Variants in SLC4A8 observed in about 807,000 individuals in gnomAD.
SLC4A8 encodes electroneutral sodium bicarbonate exchanger 1.
Under a neutral mutation model 125.0 loss-of-function variants are expected in SLC4A8, and 40 were observed. The ratio of observed to expected loss-of-function variants is 0.32; its 90% CI spans 0.25 to 0.42. SLC4A8 has a LOEUF of 0.42. Among genes scored for constraint, SLC4A8 ranks in the 10% least tolerant of loss-of-function variants. The pLI is 1.00. For synonymous variants in SLC4A8, 456 were observed against 476.0 expected (o/e 0.96, Z 0.55); for missense variants, 863 against 1,355.1 (o/e 0.64, Z 5.70).
chr12:51,400,779 C>T (rs9630297), intron 1 of SLC4A8, among the ~76,000 whole-genome samples: 1,773 of 23,096 alleles, frequency 0.077, 306 homozygotes, highest in East Asian at 0.14. Flanking sequence ...TATATATATA[C>T]ATACATACAC....
intron 16 of SLC4A8, among the ~76,000 whole-genome samples, chr12:51,479,661 C>T (rs1334511525): frequency 7.8e-6 from 1 of 128,606 alleles, no homozygotes; most frequent in Non-Finnish European, 1.6e-5. Flanking sequence ...CCAGCCTGGG[C>T]GACAGAGTGA....
rs1374637154 is a variant in SLC4A8, at chr12:51,514,041, A to G, written c.*6603A>G. On this transcript the variant is annotated 3_prime_UTR_variant, in exon 25 of 25. Transcript: ENST00000453097. ...TCTGAGTCTCAAGTTTTCCTGAAGC[A>G]CAGGAGCAGGCTTGGCCCCAGAGCC... 1 of 152,382 alleles carries G rather than the reference A, an allele frequency of 6.6e-6. No individual in the cohort carries two copies. The highest frequency in any genetic ancestry group is 1.5e-5 in the Non-Finnish European group (1 of 68,044). The allele number at this position is 152,382 out of a possible 1,614,324, so 9.4% of individuals were successfully genotyped here. A position where few individuals can be genotyped will look rare whatever the true frequency, so the allele number is the denominator to read the frequency against.
intron 1 of SLC4A8, among the ~76,000 whole-genome samples, chr12:51,431,961 G>A (rs1949200559): frequency 6.6e-6 from 1 of 152,170 alleles, no homozygotes; most frequent in Non-Finnish European, 1.5e-5. Flanking sequence ...ACTAATGTTA[G>A]TAAGGAACAC....
upstream of SLC4A8, among the ~76,000 whole-genome samples, chr12:51,422,603 A>G (rs1948816476): frequency 6.6e-6 from 1 of 152,146 alleles, no homozygotes; most frequent in Middle Eastern, 3.2e-3. Context: ...CAAGGGATCC[A>G]TCTGTCTTGG....
At chr12:51,424,037 CA>C (rs35611847), upstream of SLC4A8, among the ~76,000 whole-genome samples, 18 of 38,228 alleles carry the variant, frequency 4.7e-4, no homozygotes, top group East Asian at 2.1e-3. Context: ...ACTTCGTCTC[CA>C]AAAAAAAAAA....
intron 1 of SLC4A8, among the ~76,000 whole-genome samples, chr12:51,417,101 CA>C (rs36051030): frequency 0.074 from 10,615 of 143,298 alleles, 492 homozygotes; most frequent in East Asian, 0.23. Flanking sequence ...CCCCCTGTCT[CA>C]AAAAAAAAAA....
intron 5 of SLC4A8, among the ~76,000 whole-genome samples, chr12:51,455,212 C>T (rs1185860581): frequency 3.3e-5 from 5 of 150,412 alleles, no homozygotes; most frequent in Non-Finnish European, 5.9e-5. Flanking sequence ...CTTCTTTCTA[C>T]ACAGACACAG....
chr12:51,503,044 G>A lies in SLC4A8; in HGVS notation c.3082-985G>A, dbSNP rs555285091. Among the ~76,000 whole-genome samples, 177 of 150,750 alleles carry A rather than the reference G, an allele frequency of 1.2e-3. 1 individual carries two copies. The highest frequency in any genetic ancestry group is 3.0e-3 in the South Asian group (14 of 4,740). On this transcript the variant is annotated intron_variant, in intron 22 of 24. Transcript: ENST00000453097. ...TTTTAGTAGAGACGGGGGTTTCACC[G>A]TGTTAGCCAGGGTGGTCTCGATCTC...
intron 1 of SLC4A8, among the ~76,000 whole-genome samples, chr12:51,419,494 C>A (rs1948744085): frequency 6.6e-6 from 1 of 152,164 alleles, no homozygotes. Context: ...AATGTATTGA[C>A]TATGAATGTG....
intron 1 of SLC4A8, among the ~76,000 whole-genome samples, chr12:51,392,602 AAAG>A (rs1948158642): frequency 6.6e-6 from 1 of 151,730 alleles, no homozygotes; most frequent in South Asian, 2.1e-4. Flanking sequence ...AAAGAAAAGA[AAAG>A]AAAAGAAATG....
chr12:51,492,029 G>A (rs1951331583), intron 19 of SLC4A8, among the ~76,000 whole-genome samples: 1 of 152,198 alleles, frequency 6.6e-6, no homozygotes, highest in Non-Finnish European at 1.5e-5. Context: ...AGGTTTTTCT[G>A]CGAAGCAAGA....
rs1746722827 is a variant in SLC4A8 at position 51,509,623 on chromosome 12, T to G, written c.*2185T>G. On this transcript the variant is annotated 3_prime_UTR_variant, in exon 25 of 25. Coordinates refer to ENST00000453097, the MANE Select transcript of SLC4A8 (RefSeq NM_001039960.3). ...TCTTTCCCTAGCCTCAGCACAGCTG[T>G]AAGGAGTGTATCAAAACTGGGTGAG... The G allele has an allele frequency of 6.6e-6, 1 of 152,184 alleles. No individual in the cohort carries two copies. The highest frequency in any genetic ancestry group is 6.5e-5 in the Admixed American group (1 of 15,280). 9.4% of individuals were successfully genotyped at this position (152,184 alleles called of 1,614,324 possible). A position where few individuals can be genotyped will look rare whatever the true frequency, so the allele number is the denominator to read the frequency against.
intron 1 of SLC4A8, among the ~76,000 whole-genome samples, chr12:51,399,461 T>G (rs534912127): frequency 4.3e-5 from 6 of 139,062 alleles, no homozygotes; most frequent in Non-Finnish European, 6.5e-5. Flanking sequence ...AATAGCAGCT[T>G]CTTAATTTTT....
rs531766775 is a variant in SLC4A8, at chr12:51,500,721, C to G, written c.3082-3308C>G. Among the ~76,000 whole-genome samples, 169 of 151,752 alleles carry G rather than the reference C, an allele frequency of 1.1e-3. 1 individual carries two copies. Among genetic ancestry groups the G allele is most frequent in the South Asian group, 3.5e-3 (17 of 4,810 alleles). On this transcript the variant is annotated intron_variant, in intron 22 of 24. Transcript: ENST00000453097. ...TTTTTTTTTGAGATGGAGTCTCGCT[C>G]TTTCGCCCAGGCTGGAGTGCAGTGG...
chr12:51,409,168 G>A (rs997686019), intron 1 of SLC4A8, among the ~76,000 whole-genome samples: 2 of 151,902 alleles, frequency 1.3e-5, no homozygotes, highest in African/African-American at 2.4e-5. Context: ...GGGACTACAG[G>A]TACACACCAC....
intron 1 of SLC4A8, among the ~76,000 whole-genome samples, chr12:51,403,654 G>A (rs1464344027): frequency 1.3e-5 from 2 of 152,264 alleles, no homozygotes; most frequent in Non-Finnish European, 1.5e-5. Context: ...AGCAGATAAC[G>A]GCAGGTTCAC....
At chr12:51,448,857 GAGTT>G (rs1442317885) in intron 2 of SLC4A8, among the ~76,000 whole-genome samples, 1 of 152,186 alleles carries the variant, frequency 6.6e-6, no homozygotes, top group Non-Finnish European at 1.5e-5. Flanking sequence ...TGAGGAAAGG[GAGTT>G]AGGTTGTGAC....
At chr12:51,425,263 G>A in intron 1 of SLC4A8, 1 of 1,328,622 alleles carries the variant, frequency 7.5e-7, no homozygotes. Context: ...CATCTCTGCC[G>A]CATCCCTTGC....
chr12:51,459,408 C>T (rs4761818), intron 7 of SLC4A8, among the ~76,000 whole-genome samples: 73,544 of 151,842 alleles, frequency 0.48, 18,118 homozygotes, highest in Non-Finnish European at 0.53. Flanking sequence ...TCTGTGGTCC[C>T]GGGCAAGTCA....
Sources: allele counts gnomAD v4.1 joint callset (sites outside exome capture counted in the v4.1 genomes callset), GRCh38; gene constraint gnomAD v4.1.1; transcripts MANE v1.5; gene names NCBI Gene and HGNC (gene_info 2026-07-23, HGNC 2026-07-21).